TSACC: variants seen among roughly 807,000 people sequenced by gnomAD.
TSACC encodes the protein TSSK6-activating co-chaperone protein.
TSACC carries 3 observed loss-of-function variants against 6.9 expected under a neutral mutation model. The observed-to-expected ratio is 0.43, with a 90% CI of 0.20 to 1.12. TSACC has a LOEUF of 1.12. Ranked by LOEUF, TSACC falls within the 50% of genes most tolerant of loss-of-function variation. TSACC has a pLI of 0.28. For missense variants in TSACC, 137 were observed against 143.9 expected (o/e 0.95, Z 0.24); for synonymous variants, 54 against 55.1 (o/e 0.98, Z 0.09).
intron 2 of TSACC, among the ~76,000 whole-genome samples, chr1:156,342,062 CAA>C (rs554820517): frequency 5.4e-4 from 31 of 57,182 alleles, no homozygotes; most frequent in East Asian, 4.7e-4. Context: ...ACTCCGTCTC[CAA>C]AAAAAAAAAA....
rs372437897 is a variant in TSACC at position 156,339,804 on chromosome 1, G to A, written c.34+13G>A. On this transcript the variant is annotated intron_variant, in intron 2 of 3. Transcript: ENST00000368254. ...CCTAACAGAAAAGGTGTGTGTTGGAGGCCCTGCTTCCCCTCCCTTAAAAAG... is the reference window on the plus strand; with the variant it reads ...CCTAACAGAAAAGGTGTGTGTTGGAAGCCCTGCTTCCCCTCCCTTAAAAAG... The A allele has an allele frequency of 7.1e-5, 115 of 1,613,498 alleles. No homozygotes were observed. In the African/African-American group the frequency reaches 1.4e-3, roughly 20 times the overall value.
At chr1:156,337,900 T>C, upstream of TSACC, 4 of 527,854 alleles carry the variant, frequency 7.6e-6, no homozygotes, top group Non-Finnish European at 1.3e-5. Flanking sequence ...GAACGCGGAG[T>C]GGGAAAGAGC....
chr1:156,345,337 TG>T (rs1666106428), intron 3 of TSACC, among the ~76,000 whole-genome samples: 1 of 146,200 alleles, frequency 6.8e-6, no homozygotes, highest in South Asian at 2.2e-4. Flanking sequence ...CCAAGGCAGG[TG>T]GATTGTCTGA....
In TSACC at chr1:156,341,363, C is replaced by T. The variant is rs1035100147; in HGVS notation, c.34+1572C>T. 6.1e-4 allele frequency among the ~76,000 whole-genome samples: 93 copies of T among 152,298 alleles called. 1 individual carries two copies. The highest frequency in any genetic ancestry group is 6.8e-3 in the Middle Eastern group (2 of 294). ...TACTTTATCTACATTCCTCAGGTCA[C>T]GTTCCCCAGTGCCACAAGACTCTCA... On this transcript the variant is annotated intron_variant, in intron 2 of 3. Transcript: ENST00000368254.
upstream of TSACC, chr1:156,338,275 T>C: frequency 7.4e-7 from 1 of 1,356,604 alleles, no homozygotes; most frequent in Non-Finnish European, 1.0e-6. Context: ...CAGAAAACGC[T>C]GCCTCCTCAG....
At chr1:156,337,791 T>TAA (rs1438522414), upstream of TSACC, 26 of 263,152 alleles carry the variant, frequency 9.9e-5, no homozygotes, top group Non-Finnish European at 1.6e-4. Flanking sequence ...TAGACCTAAC[T>TAA]GAAAAAAAAA....
At chr1:156,339,812 T>C (rs1170147224) in intron 2 of TSACC, 21 bp downstream of exon 2, 2 of 1,613,142 alleles carry the variant, frequency 1.2e-6, no homozygotes, top group Admixed American at 3.3e-5. Flanking sequence ...GAGGCCCTGC[T>C]TCCCCTCCCT....
intron 3 of TSACC, 125 bp from the exon 4 acceptor site, chr1:156,346,643 G>A (rs1443661138): frequency 2.3e-6 from 2 of 865,208 alleles, no homozygotes; most frequent in South Asian, 1.6e-5. Context: ...GCAAAGGTAT[G>A]TCTGGGTTGG....
At chr1:156,337,872 C>A, upstream of TSACC, 1 of 496,380 alleles carries the variant, frequency 2.0e-6, no homozygotes, top group Non-Finnish European at 3.6e-6. Flanking sequence ...GCGGGGGAAG[C>A]GTGGGGGCTG....
chr1:156,337,389 C>G (rs11264476), upstream of TSACC: 40,297 of 171,486 alleles, frequency 0.23, 5,487 homozygotes, highest in Non-Finnish European at 0.29. Flanking sequence ...GCCTGGGTGA[C>G]AGAGCGAGAC....
chr1:156,338,041 G>C, upstream of TSACC: 1 of 1,168,774 alleles, frequency 8.6e-7, no homozygotes, highest in Admixed American at 2.0e-5. Flanking sequence ...TGAAGACGAT[G>C]ATTGGAAGGC....
intron 3 of TSACC, 94 bp downstream of exon 3, chr1:156,344,802 A>G (rs1557782664): frequency 3.6e-5 from 52 of 1,458,896 alleles, no homozygotes; most frequent in Non-Finnish European, 4.8e-5. Context: ...ATCAAGAGCC[A>G]AATCTATGTT....
At chr1:156,338,706 A>G (rs1285813177) in intron 1 of TSACC, 101 bp downstream of exon 1, 2 of 156,598 alleles carry the variant, frequency 1.3e-5, no homozygotes, top group African/African-American at 4.8e-5. Flanking sequence ...CCTTAGCAAC[A>G]GGTGGACTAG....
chr1:156,343,469 A>C (rs558658804), intron 2 of TSACC, among the ~76,000 whole-genome samples: 1 of 152,244 alleles, frequency 6.6e-6, no homozygotes, highest in Non-Finnish European at 1.5e-5. Flanking sequence ...TGCTAGCCAA[A>C]TAGCTTTCAC....
rs764983405 is a variant in TSACC at position 156,339,752 on chromosome 1, G to A, written c.-6G>A. Reference sequence around the variant, plus strand: ...TTTCCCAGGCACCACACCTGTTGGTGTTCAGATGGAGCGGCACACTAGTCA... The same window carrying A: ...TTTCCCAGGCACCACACCTGTTGGTATTCAGATGGAGCGGCACACTAGTCA... On this transcript the variant is annotated 5_prime_UTR_variant, in exon 2 of 4. Transcript: ENST00000368254. The A allele has an allele frequency of 1.2e-4, 196 of 1,614,006 alleles. No individual in the cohort carries two copies. Among genetic ancestry groups the A allele is most frequent in the Admixed American group, 1.7e-4 (10 of 59,998 alleles).
chr1:156,345,865 GAAAA>G (rs563330881), intron 3 of TSACC, among the ~76,000 whole-genome samples: 1 of 126,884 alleles, frequency 7.9e-6, no homozygotes, highest in African/African-American at 2.9e-5. Context: ...AGGCTCCATT[GAAAA>G]AAAAAAAAAG....
chr1:156,345,440 G>A (rs1236029174), intron 3 of TSACC, among the ~76,000 whole-genome samples: 2 of 152,076 alleles, frequency 1.3e-5, no homozygotes, highest in Non-Finnish European at 2.9e-5. Flanking sequence ...GCAGGTGCCT[G>A]TAATCTCAGC....
At chr1:156,340,394 T>C (rs1348772480) in intron 2 of TSACC, among the ~76,000 whole-genome samples, 2 of 152,008 alleles carry the variant, frequency 1.3e-5, no homozygotes, top group African/African-American at 4.8e-5. Context: ...CTCCTGACCT[T>C]GTGATCCAAC....
At chr1:156,344,526 T>C (rs1666060903) in intron 2 of TSACC, 54 bp from the exon 3 acceptor site, 7 of 1,593,102 alleles carry the variant, frequency 4.4e-6, no homozygotes, top group Non-Finnish European at 5.1e-6. Flanking sequence ...GGGATCTAAT[T>C]AGAAAGGCTG....
Sources: gnomAD v4.1 joint callset for allele counts (sites outside exome capture counted in the v4.1 genomes callset) on GRCh38, gnomAD v4.1.1 for gene constraint, MANE v1.5 for transcripts, NCBI Gene and HGNC (gene_info 2026-07-23, HGNC 2026-07-21) for gene names.